Variants in NDEL1 observed in about 807,000 individuals in gnomAD.
NDEL1 encodes nudE neurodevelopment protein 1 like 1.
NDEL1 carries 9 observed loss-of-function variants against 45.7 expected under a neutral mutation model. That is an observed-to-expected ratio of 0.20 (90% confidence interval 0.12 to 0.34). The LOEUF (loss-of-function observed/expected upper bound fraction) is 0.34, where lower values mean the gene tolerates loss of function less well. Among genes scored for constraint, NDEL1 ranks in the 10% least tolerant of loss-of-function variants. The pLI, the probability that NDEL1 is intolerant of heterozygous loss-of-function variation, is 1.00. For synonymous variants in NDEL1, 133 were observed against 158.6 expected (o/e 0.84, Z 1.21); for missense variants, 306 against 406.2 (o/e 0.75, Z 2.12).
At chr17:8,424,953 C>T (rs570469632) in intron 1 of NDEL1, among the ~76,000 whole-genome samples, 6 of 152,304 alleles carry the variant, frequency 3.9e-5, no homozygotes, top group African/African-American at 1.4e-4. Flanking sequence ...AGGCGTGAAC[C>T]CCCATGCCTA....
chr17:8,469,449 C>T (rs1597567146), downstream of NDEL1, among the ~76,000 whole-genome samples: 1 of 152,290 alleles, frequency 6.6e-6, no homozygotes, highest in Non-Finnish European at 1.5e-5. Flanking sequence ...CTTATCCAGA[C>T]TGTTCTGCCA....
intron 5 of NDEL1, 56 bp downstream of exon 5, chr17:8,448,742 T>C: frequency 6.7e-7 from 1 of 1,502,958 alleles, no homozygotes; most frequent in Non-Finnish European, 9.0e-7. Context: ...GGGTTTGAAT[T>C]GTGTGGGCCC....
upstream of NDEL1, among the ~76,000 whole-genome samples, chr17:8,433,832 T>C (rs931927354): frequency 6.6e-6 from 1 of 152,020 alleles, no homozygotes; most frequent in Non-Finnish European, 1.5e-5. Flanking sequence ...AAAAAAAAAA[T>C]TGGAAATCCA....
chr17:8,450,376 T>C (rs777800628), intron 5 of NDEL1, among the ~76,000 whole-genome samples: 1 of 152,038 alleles, frequency 6.6e-6, no homozygotes, highest in Non-Finnish European at 1.5e-5. Flanking sequence ...AAATATTTCA[T>C]AGTGATAATA....
chr17:8,431,959 A>C (rs979017547), upstream of NDEL1: 2 of 148,750 alleles, frequency 1.3e-5, no homozygotes, highest in Non-Finnish European at 3.0e-5. Flanking sequence ...TCCCAGGTTC[A>C]AGCGGTTCTC....
chr17:8,464,766 C>CT (rs1283858426), intron 8 of NDEL1: 1 of 152,470 alleles, frequency 6.6e-6, no homozygotes, highest in Non-Finnish European at 1.5e-5. Context: ...GCCTGGGCAT[C>CT]TGGAGGCAGC....
At chr17:8,457,200 C>T (rs1027454092) in intron 7 of NDEL1, among the ~76,000 whole-genome samples, 3 of 152,184 alleles carry the variant, frequency 2.0e-5, no homozygotes, top group South Asian at 2.1e-4. Flanking sequence ...TCTTTGCTCT[C>T]GGATCTTCTA....
At chr17:8,425,101 G>C (rs1908800030) in intron 1 of NDEL1, among the ~76,000 whole-genome samples, 1 of 152,214 alleles carries the variant, frequency 6.6e-6, no homozygotes, top group Admixed American at 6.5e-5. Context: ...TAATGTTTTA[G>C]AATCTCTTAT....
downstream of NDEL1, among the ~76,000 whole-genome samples, chr17:8,472,788 C>T (rs77835787): frequency 7.5e-3 from 1,144 of 152,282 alleles, 12 homozygotes; most frequent in East Asian, 0.036. Context: ...AAGGGCAGAG[C>T]GCTTATGGCC....
At chr17:8,418,820 C>CCT (rs545415614) in intron 1 of NDEL1, among the ~76,000 whole-genome samples, 5 of 118,116 alleles carry the variant, frequency 4.2e-5, no homozygotes, top group South Asian at 6.3e-4. Context: ...TTTCTTTCTT[C>CCT]CTCTCTCTCT....
intron 1 of NDEL1, among the ~76,000 whole-genome samples, chr17:8,421,338 A>G (rs1194350144): frequency 6.6e-6 from 1 of 152,206 alleles, no homozygotes; most frequent in Non-Finnish European, 1.5e-5. Context: ...CTTTGCAGAC[A>G]TGATTAAATT....
chr17:8,430,403 C>A (rs1029339236), intron 1 of NDEL1, among the ~76,000 whole-genome samples: 13 of 152,184 alleles, frequency 8.5e-5, no homozygotes, highest in African/African-American at 3.1e-4. Context: ...GTCAGAATTT[C>A]CACAGTGGGC....
At position 8,417,362 on chromosome 17, in the gene NDEL1, G is replaced by C. The variant is rs1449348407; in HGVS notation, c.-13+4093G>C. Among the ~76,000 whole-genome samples, 3 of 152,230 alleles carry C rather than the reference G, an allele frequency of 2.0e-5. No homozygotes were observed. The South Asian group carries it at 6.2e-4, about 32-fold the overall frequency. The stretch of plus-strand genomic sequence containing the variant: ...GGATTACAGGCATGAGCCACTGTGC[G>C]CAGCCTCTTTTTTCTTTTTCTTTTC... On this transcript the variant is annotated intron_variant, in intron 1 of 4. Coordinates refer to the NDEL1 transcript ENST00000582812.
chr17:8,443,724 C>T (rs1909906988), intron 1 of NDEL1, among the ~76,000 whole-genome samples: 2 of 152,036 alleles, frequency 1.3e-5, no homozygotes, highest in South Asian at 4.1e-4. Context: ...AAGCTTTGGA[C>T]TTAAAAGATG....
chr17:8,417,893 G>GTAGA (rs1908592926), intron 1 of NDEL1, among the ~76,000 whole-genome samples: 1 of 152,198 alleles, frequency 6.6e-6, no homozygotes, highest in African/African-American at 2.4e-5. Flanking sequence ...TGGGAGAGAA[G>GTAGA]TAGATGCCTT....
Position 8,454,824 on chromosome 17 carries a change from A to G in NDEL1, c.729A>G (p.Pro243=). 6.2e-7 allele frequency: 1 copy of G among 1,613,992 alleles called. No individual in the cohort carries two copies. Among genetic ancestry groups the G allele is most frequent in the Non-Finnish European group, 8.5e-7 (1 of 1,179,952 alleles). ...TACCAAATGGTTTTGGTACCAGTCCACTAACTCCCTCTGCTAGGATATCAG... is the reference window on the plus strand; with the variant it reads ...TACCAAATGGTTTTGGTACCAGTCCGCTAACTCCCTCTGCTAGGATATCAG... The part of the protein sequence containing the change: ...KAIPNGFGTS[P]LTPSARISAL... The change falls in exon 7 of 9, where the codon CCA becomes CCG. Residue 243 remains proline (P), a synonymous_variant. Transcript: ENST00000334527.
intron 1 of NDEL1, among the ~76,000 whole-genome samples, chr17:8,442,911 G>C (rs1305777380): frequency 1.3e-5 from 2 of 151,248 alleles, no homozygotes; most frequent in African/African-American, 4.9e-5. Flanking sequence ...TCCCGAGTAG[G>C]TGGGACTACA....
intron 7 of NDEL1, among the ~76,000 whole-genome samples, chr17:8,455,470 C>T (rs1167203935): frequency 6.6e-6 from 1 of 151,896 alleles, no homozygotes; most frequent in Admixed American, 6.6e-5. Flanking sequence ...GGTGGATCAC[C>T]TGAGGTCAGG....
chr17:8,451,202 A>T (rs182855275), intron 6 of NDEL1, among the ~76,000 whole-genome samples: 2 of 152,342 alleles, frequency 1.3e-5, no homozygotes, highest in East Asian at 3.9e-4. Context: ...TTATTTTTTG[A>T]TGATAGCAAT....
Sources: gnomAD v4.1 joint callset for allele counts (sites outside exome capture counted in the v4.1 genomes callset) on GRCh38, gnomAD v4.1.1 for gene constraint, MANE v1.5 for transcripts, NCBI Gene and HGNC (gene_info 2026-07-23, HGNC 2026-07-21) for gene names.